ADCY3: variants seen among roughly 807,000 people sequenced by gnomAD.
ADCY3 encodes adenylate cyclase 3, also known as adenylate cyclase type 3.
ADCY3 carries 70 observed loss-of-function variants against 119.4 expected under a neutral mutation model. That is an observed-to-expected ratio of 0.59 (90% CI 0.48 to 0.72). The LOEUF (loss-of-function observed/expected upper bound fraction) is 0.72, where lower values mean the gene tolerates loss of function less well. Among genes scored for constraint, ADCY3 ranks in the 30% least tolerant of loss-of-function variants. ADCY3 has a pLI of 0.00. For missense variants in ADCY3, 1,238 were observed against 1,541.6 expected (o/e 0.80, Z 3.30); for synonymous variants, 672 against 621.4 (o/e 1.08, Z -1.21).
intron 19 of ADCY3, 123 bp from the exon 20 acceptor site, chr2:24,821,763 T>C: frequency 7.0e-7 from 1 of 1,423,188 alleles, no homozygotes; most frequent in Non-Finnish European, 9.4e-7. Context: ...GGCCTTACTT[T>C]TCCTCCCACA....
chr2:24,888,363 T>A (rs1572997878), intron 2 of ADCY3, among the ~76,000 whole-genome samples: 1 of 152,206 alleles, frequency 6.6e-6, no homozygotes, highest in East Asian at 1.9e-4. Flanking sequence ...GTCCCATCCC[T>A]TTCCACGTCT....
At position 24,820,079 on chromosome 2, in the gene ADCY3, G is replaced by C. The variant is rs762117912; in HGVS notation, c.3288C>G (p.Tyr1096Ter). The C allele has an allele frequency of 6.4e-7, 1 of 1,563,498 alleles. No homozygotes were observed. Among genetic ancestry groups the C allele is most frequent in the Non-Finnish European group, 8.7e-7 (1 of 1,153,942 alleles). The change falls in exon 22 of 22, where the codon TAC (tyrosine) becomes TAG (stop). Residue 1096 changes from tyrosine (Y) to a stop codon, truncating the protein, a stop_gained. Transcript: ENST00000679454. LOFTEE classifies it high-confidence loss of function. ...GGCCTCGCCTCACAAAGCGGAAGCC[G>C]TACTCTCGGAGGATGACTTGGGTTT... ...VEETQVILRE[Y>*]GFRFVRRGPI... is the part of the protein sequence containing the mutation.
intron 7 of ADCY3, chr2:24,838,967 G>C (rs1670666872): frequency 4.1e-6 from 5 of 1,222,518 alleles, no homozygotes; most frequent in Non-Finnish European, 5.5e-6. Context: ...TTTTGAGACA[G>C]AGTCTTGTTC....
intron 3 of ADCY3, among the ~76,000 whole-genome samples, chr2:24,856,046 G>A (rs1173311021): frequency 6.6e-6 from 1 of 152,208 alleles, no homozygotes; most frequent in Admixed American, 6.5e-5. Flanking sequence ...CAGCAAGGAG[G>A]CCAGGAGGGA....
In ADCY3 at chr2:24,822,904, G is replaced by C. The variant is rs1668002543; in HGVS notation, c.2884-274C>G. Among the ~76,000 whole-genome samples the C allele has an allele frequency of 1.3e-5, 2 of 152,144 alleles. No individual in the cohort carries two copies. Among genetic ancestry groups the C allele is most frequent in the Non-Finnish European group, 2.9e-5 (2 of 68,034 alleles). On this transcript the variant is annotated intron_variant, in intron 18 of 21. Transcript: ENST00000679454. ...TAAAAGCATTCTCCCTGGTATACAG[G>C]TCACCCAGTCAATGCTGACCGGCTC...
chr2:24,834,838 G>T lies in ADCY3; in HGVS notation c.1761C>A (p.Asn587Lys). The T allele has an allele frequency of 1.9e-6, 3 of 1,613,964 alleles. No individual in the cohort carries two copies. In the South Asian group the frequency reaches 3.3e-5, roughly 18 times the overall value. Residue 587 changes from asparagine to lysine, a missense_variant, in exon 10 of 22, where the codon AAC becomes AAA. Coordinates refer to ENST00000679454, the MANE Select transcript of ADCY3 (RefSeq NM_004036.5). This position sits in a 1 kb window ranked among gnomAD's most constrained non-coding sequence, Gnocchi z 4.2. Reference sequence around the variant, plus strand: ...CAAGCAGGGCCTCGTTGAGCAGCTGGTTGAGCTCGTGCTCATCTTCAGAGG... The same window carrying T: ...CAAGCAGGGCCTCGTTGAGCAGCTGTTTGAGCTCGTGCTCATCTTCAGAGG... ...VDASEDEHELNQLLNEALLER... is the reference protein window; with the variant it reads ...VDASEDEHELKQLLNEALLER...
chr2:24,905,809 CAGA>C (rs1395889551), intron 2 of ADCY3, among the ~76,000 whole-genome samples: 1 of 152,210 alleles, frequency 6.6e-6, no homozygotes, highest in African/African-American at 2.4e-5. Context: ...ACCCATTTTG[CAGA>C]AGGAGAAACC....
chr2:24,885,851 G>T (rs151020837), intron 2 of ADCY3, among the ~76,000 whole-genome samples: 1 of 151,934 alleles, frequency 6.6e-6, no homozygotes, highest in African/African-American at 2.4e-5. Flanking sequence ...TCTAAACCCC[G>T]CCCCCACAGC....
chr2:24,877,658 C>T (rs745719173), intron 2 of ADCY3, among the ~76,000 whole-genome samples: 2 of 152,164 alleles, frequency 1.3e-5, no homozygotes, highest in African/African-American at 2.4e-5. Context: ...AACACGAAGA[C>T]GAGCTCAGAC....
chr2:24,838,324 A>T, intron 8 of ADCY3, 121 bp downstream of exon 8: 1 of 1,040,736 alleles, frequency 9.6e-7, no homozygotes, highest in Non-Finnish European at 1.4e-6. Flanking sequence ...CTCACCTCTC[A>T]CAGCCAGCCA....
chr2:24,896,348 G>A (rs1678273276), intron 2 of ADCY3, among the ~76,000 whole-genome samples: 2 of 151,992 alleles, frequency 1.3e-5, no homozygotes, highest in Admixed American at 1.3e-4. Context: ...TCGTGCCACT[G>A]CACTCCAGCC....
chr2:24,828,814 G>A (rs918505942), intron 13 of ADCY3, among the ~76,000 whole-genome samples: 2 of 152,148 alleles, frequency 1.3e-5, no homozygotes, highest in African/African-American at 4.8e-5. Context: ...ACCCCTCCAT[G>A]AGTGACAGCA....
Position 24,869,971 on chromosome 2 carries a change from C to T in ADCY3, c.825+2599G>A, listed in dbSNP as rs181078287. On this transcript the variant is annotated intron_variant, in intron 3 of 21. Coordinates refer to ENST00000679454, the MANE Select transcript of ADCY3 (RefSeq NM_004036.5). Reference sequence around the variant, plus strand: ...TCCATCCTTCCCAATGGTAACAGTGCTTTACCAATCCCAGTGGGATTCACA... The same window carrying T: ...TCCATCCTTCCCAATGGTAACAGTGTTTTACCAATCCCAGTGGGATTCACA... Among the ~76,000 whole-genome samples the T allele has an allele frequency of 4.6e-5, 7 of 152,046 alleles. No homozygotes were observed. In the East Asian group the frequency reaches 1.4e-3, roughly 29 times the overall value.
chr2:24,835,192 G>A (rs576080719), intron 9 of ADCY3, among the ~76,000 whole-genome samples: 11 of 152,282 alleles, frequency 7.2e-5, no homozygotes, highest in East Asian at 3.9e-4. Flanking sequence ...GGGAGGGTCC[G>A]CTAATGACAG....
At chr2:24,840,121 G>C in intron 6 of ADCY3, 90 bp from the exon 7 acceptor site, 1 of 1,504,496 alleles carries the variant, frequency 6.6e-7, no homozygotes, top group Non-Finnish European at 9.0e-7. Context: ...TTCATTGTGG[G>C]CCTCTTCCCC....
At position 24,823,233 on chromosome 2, in the gene ADCY3, A is replaced by G. The variant is rs1476606402; in HGVS notation, c.2859T>C (p.Asn953=). 1.2e-6 allele frequency: 2 copies of G among 1,613,082 alleles called. No individual in the cohort carries two copies. The highest frequency in any genetic ancestry group is 1.1e-5 in the South Asian group (1 of 90,988). Residue 953 remains asparagine, a synonymous_variant, in exon 18 of 22, where the codon AAT becomes AAC. Coordinates refer to ENST00000679454, the MANE Select transcript of ADCY3 (RefSeq NM_004036.5). ...NGGIECLRFL[N]EIISDFDSLL... The stretch of plus-strand genomic sequence containing the variant: ...CAGAGTCAAAATCTGAGATGATTTC[A>G]TTGAGGAAACGCAGACACTCAATAC...
In ADCY3 at chr2:24,824,552, A is replaced by G. The variant is rs1212094356; in HGVS notation, c.2578-16T>C. The G allele has an allele frequency of 3.1e-6, 5 of 1,613,388 alleles. No individual in the cohort carries two copies. The Admixed American group carries it at 5.0e-5, about 16-fold the overall frequency. ...GTTTTTCTACCTACAGACACAGACA[A>G]GGCGAGGCATGTGCTCTAAGCTGGC... On this transcript the variant is annotated splice_polypyrimidine_tract_variant and intron_variant, in intron 16 of 21. Coordinates refer to ENST00000679454, the MANE Select transcript of ADCY3 (RefSeq NM_004036.5).
intron 2 of ADCY3, among the ~76,000 whole-genome samples, chr2:24,908,959 C>T (rs1363173951): frequency 6.6e-6 from 1 of 152,200 alleles, no homozygotes; most frequent in African/African-American, 2.4e-5. Flanking sequence ...TGATTCTACA[C>T]ACTCTCCCCA....
At position 24,820,018 on chromosome 2, in the gene ADCY3, A is replaced by T. The variant is rs147578691; in HGVS notation, c.3349T>A (p.Phe1117Ile). 6 of 1,612,096 alleles carry T rather than the reference A, an allele frequency of 3.7e-6. No individual in the cohort carries two copies. Among genetic ancestry groups the T allele is most frequent in the African/African-American group, 1.3e-5 (1 of 74,746 alleles). The change falls in exon 22 of 22, where the codon TTC (phenylalanine) becomes ATC (isoleucine). Residue 1117 changes from phenylalanine to isoleucine, a missense_variant. This residue lies in a region of ADCY3 where 86 missense variants were observed against 70.7 expected (regional missense o/e 1.22). Transcript: ENST00000679454. ...AGCTTATCCCGCCCCTTCAAGAAGA[A>T]GGTCAGCAGCTCCCCCTTCCCCTTC... ...FVKGKGELLTFFLKGRDKLAT... is the reference protein window; with the variant it reads ...FVKGKGELLTIFLKGRDKLAT...
Sources: allele counts gnomAD v4.1 joint callset (sites outside exome capture counted in the v4.1 genomes callset), GRCh38; gene constraint gnomAD v4.1.1; regional missense constraint gnomAD v4.1.1; non-coding constraint Gnocchi (gnomAD v3.1); transcripts MANE v1.5; gene names NCBI Gene and HGNC (gene_info 2026-07-23, HGNC 2026-07-21).